The following CDKAL1 variants were observed in gnomAD, a reference collection of about 807,000 sequenced individuals.
The protein encoded by CDKAL1 is CDKAL1 threonylcarbamoyladenosine tRNA methylthiotransferase, also known as threonylcarbamoyladenosine tRNA methylthiotransferase.
A neutral mutation model predicts 68.2 loss-of-function variants in CDKAL1; 32 were observed. The observed-to-expected ratio is 0.47, with a 90% confidence interval of 0.35 to 0.63. The LOEUF (loss-of-function observed/expected upper bound fraction) is 0.63. Among genes scored for constraint, CDKAL1 ranks in the 30% least tolerant of loss-of-function variants. The pLI is 0.00. For synonymous variants in CDKAL1, 234 were observed against 244.3 expected, an observed-to-expected ratio of 0.96 and a Z score of 0.39; for missense variants, 606 against 696.7, an observed-to-expected ratio of 0.87 and a Z score of 1.47.
intron 13 of CDKAL1, among the ~76,000 whole-genome samples, chr6:21,142,994 G>A (rs1217925695): frequency 6.6e-6 from 1 of 152,172 alleles, no homozygotes; most frequent in East Asian, 1.9e-4. Flanking sequence ...TGTCTGCTTT[G>A]TTTGGAATAG....
chr6:20,557,041 C>CAA (rs199509135), intron 4 of CDKAL1, among the ~76,000 whole-genome samples: 12 of 121,100 alleles, frequency 9.9e-5, no homozygotes, highest in South Asian at 3.3e-4. Context: ...GTCTCCATCT[C>CAA]AAAAAAAAAA....
intron 9 of CDKAL1, among the ~76,000 whole-genome samples, chr6:20,917,675 C>G (rs1016351079): frequency 1.3e-5 from 2 of 152,126 alleles, no homozygotes; most frequent in Non-Finnish European, 2.9e-5. Context: ...CCTGAGTCCC[C>G]AAAGTCCATT....
At chr6:21,143,206 T>C (rs1776009004) in intron 13 of CDKAL1, among the ~76,000 whole-genome samples, 1 of 152,178 alleles carries the variant, frequency 6.6e-6, no homozygotes, top group Non-Finnish European at 1.5e-5. Context: ...TGCCAGAAGA[T>C]CAAAAATAAA....
intron 5 of CDKAL1, among the ~76,000 whole-genome samples, chr6:20,711,425 T>G (rs1049224965): frequency 6.6e-6 from 1 of 152,182 alleles, no homozygotes; most frequent in Non-Finnish European, 1.5e-5. Flanking sequence ...AGTTTTGGAC[T>G]TAGAGTCAGA....
At chr6:21,089,939 T>C (rs1171611867) in intron 12 of CDKAL1, among the ~76,000 whole-genome samples, 2 of 152,248 alleles carry the variant, frequency 1.3e-5, no homozygotes, top group Non-Finnish European at 2.9e-5. Context: ...GGAAGTTACG[T>C]ATGAGCTGAG....
At chr6:20,613,184 G>A (rs1766708603) in intron 4 of CDKAL1, among the ~76,000 whole-genome samples, 1 of 146,098 alleles carries the variant, frequency 6.8e-6, no homozygotes, top group Non-Finnish European at 1.5e-5. Flanking sequence ...GGTTGTTGCA[G>A]AAGTAATTGC....
At chr6:21,021,650 A>C (rs956026948) in intron 11 of CDKAL1, among the ~76,000 whole-genome samples, 2 of 152,204 alleles carry the variant, frequency 1.3e-5, no homozygotes, top group Non-Finnish European at 2.9e-5. Flanking sequence ...ATTGATATCA[A>C]CTAATGTCTC....
chr6:20,553,364 C>T (rs1763906826), intron 4 of CDKAL1, among the ~76,000 whole-genome samples: 1 of 151,950 alleles, frequency 6.6e-6, no homozygotes, highest in East Asian at 1.9e-4. Flanking sequence ...CAAAAATTAG[C>T]CAGGTGTGGT....
intron 7 of CDKAL1, among the ~76,000 whole-genome samples, chr6:20,765,722 A>G (rs2150357012): frequency 6.6e-6 from 1 of 152,278 alleles, no homozygotes; most frequent in Admixed American, 6.5e-5. Context: ...TAAGACTTTT[A>G]GTTGATTTTT....
intron 8 of CDKAL1, among the ~76,000 whole-genome samples, chr6:20,799,162 G>T (rs1465540864): frequency 7.3e-6 from 1 of 137,488 alleles, no homozygotes; most frequent in East Asian, 2.4e-4. Context: ...TAGCAATTCT[G>T]CTGCCTCAGC....
At chr6:20,586,421 T>G (rs951318588) in intron 4 of CDKAL1, among the ~76,000 whole-genome samples, 1 of 152,188 alleles carries the variant, frequency 6.6e-6, no homozygotes, top group African/African-American at 2.4e-5. Context: ...GTGGATCACC[T>G]GAGGTCAGGA....
chr6:21,003,363 T>TACACACACACACAC (rs1561952856), intron 11 of CDKAL1, among the ~76,000 whole-genome samples: 1 of 58,818 alleles, frequency 1.7e-5, no homozygotes, highest in African/African-American at 1.1e-4. Context: ...TATATATATA[T>TACACACACACACAC]ATATATATAC....
At chr6:21,228,950 G>A (rs1164426437) in intron 15 of CDKAL1, among the ~76,000 whole-genome samples, 2 of 152,158 alleles carry the variant, frequency 1.3e-5, no homozygotes, top group Admixed American at 6.5e-5. Context: ...GCACCACTGA[G>A]CTCCAGCTCT....
chr6:20,826,793 A>G (rs1282595490), intron 8 of CDKAL1, among the ~76,000 whole-genome samples: 6 of 152,078 alleles, frequency 3.9e-5, no homozygotes, highest in African/African-American at 1.4e-4. Context: ...TCATTTCCTT[A>G]TAGATTTATG....
At chr6:20,614,417 C>G (rs1020580027) in intron 4 of CDKAL1, among the ~76,000 whole-genome samples, 2 of 152,160 alleles carry the variant, frequency 1.3e-5, no homozygotes, top group African/African-American at 4.8e-5. Flanking sequence ...TTCCAGCTCT[C>G]CTTCCCCTGG....
intron 2 of CDKAL1, among the ~76,000 whole-genome samples, chr6:20,544,280 A>G (rs190444284): frequency 2.0e-5 from 3 of 152,106 alleles, no homozygotes; most frequent in African/African-American, 7.2e-5. Flanking sequence ...GGTCTCAATT[A>G]TAGCTATCTA....
chr6:21,185,519 C>T (rs1224598906), intron 13 of CDKAL1, among the ~76,000 whole-genome samples: 2 of 152,122 alleles, frequency 1.3e-5, no homozygotes, highest in South Asian at 2.1e-4. Context: ...CCTACAATCT[C>T]GATTTTCTTT....
intron 5 of CDKAL1, among the ~76,000 whole-genome samples, chr6:20,700,370 AAAT>A (rs1239610618): frequency 3.4e-5 from 5 of 145,336 alleles, no homozygotes; most frequent in Non-Finnish European, 6.0e-5. Flanking sequence ...AAAAAAAAAA[AAAT>A]AAATAAAAGT....
At chr6:21,026,862 A>G (rs1331373776) in intron 11 of CDKAL1, among the ~76,000 whole-genome samples, 1 of 152,188 alleles carries the variant, frequency 6.6e-6, no homozygotes, top group African/African-American at 2.4e-5. Context: ...TCTATTTACC[A>G]TAATGACTAA....
Sources: allele counts gnomAD v4.1 joint callset (sites outside exome capture counted in the v4.1 genomes callset), GRCh38; gene constraint gnomAD v4.1.1; transcripts MANE v1.5; gene names NCBI Gene and HGNC (gene_info 2026-07-23, HGNC 2026-07-21).